The following AKAP10 variants were observed in gnomAD, a reference collection of about 807,000 sequenced individuals.
AKAP10 encodes the protein A-kinase anchoring protein 10.
In AKAP10, 24 loss-of-function variants were observed where a neutral mutation model predicts 80.8. That is an observed-to-expected ratio of 0.30 (90% CI 0.22 to 0.42). The LOEUF (loss-of-function observed/expected upper bound fraction) is 0.42. Among genes scored for constraint, AKAP10 ranks in the 10% least tolerant of loss-of-function variants. The pLI, the probability that AKAP10 is intolerant of heterozygous loss-of-function variation, is 1.00. For missense variants in AKAP10, 661 were observed against 794.9 expected (o/e 0.83, Z 2.03); for synonymous variants, 291 against 277.7 (o/e 1.05, Z -0.48).
intron 14 of AKAP10, among the ~76,000 whole-genome samples, chr17:19,908,113 C>T (rs1359546384): frequency 1.3e-5 from 2 of 152,118 alleles, no homozygotes; most frequent in Non-Finnish European, 2.9e-5. Flanking sequence ...CATCTACCTG[C>T]CTCGGCCTCC....
intron 1 of AKAP10, among the ~76,000 whole-genome samples, chr17:19,968,864 T>C (rs2043458017): frequency 6.6e-6 from 1 of 152,210 alleles, no homozygotes; most frequent in South Asian, 2.1e-4. Context: ...GTAAGGGGCT[T>C]AGAAGAGTAA....
chr17:19,933,689 A>C (rs1253445226), intron 9 of AKAP10, among the ~76,000 whole-genome samples: 2 of 152,168 alleles, frequency 1.3e-5, no homozygotes, highest in Admixed American at 6.5e-5. Context: ...TATTCTGTTT[A>C]CTACTAGCTA....
chr17:19,969,305 A>G (rs1399734067), intron 1 of AKAP10, among the ~76,000 whole-genome samples: 1 of 152,172 alleles, frequency 6.6e-6, no homozygotes, highest in East Asian at 1.9e-4. Flanking sequence ...AGATCGCGAC[A>G]CTGTACTCCA....
chr17:19,928,567 T>C lies in AKAP10; in HGVS notation c.1641+3238A>G, dbSNP rs143451563. ...TTGACTCAGCAATTCTACTCCTATGTATATACAACAAAAGAAATGAAAACC... is the reference window on the plus strand; with the variant it reads ...TTGACTCAGCAATTCTACTCCTATGCATATACAACAAAAGAAATGAAAACC... On this transcript the variant is annotated intron_variant, in intron 10 of 14. Transcript: ENST00000225737. 4.4e-3 allele frequency among the ~76,000 whole-genome samples: 673 copies of C among 152,210 alleles called. 1 individual carries two copies. The highest frequency in any genetic ancestry group is 0.02 in the Middle Eastern group (6 of 294).
intron 12 of AKAP10, among the ~76,000 whole-genome samples, chr17:19,912,329 G>A: frequency 6.6e-6 from 1 of 152,166 alleles, no homozygotes. Context: ...CTGAGATCAG[G>A]AGTTCGAGAC....
At chr17:19,948,675 AGAAC>A (rs1472607062) in intron 4 of AKAP10, among the ~76,000 whole-genome samples, 2 of 152,174 alleles carry the variant, frequency 1.3e-5, no homozygotes, top group Non-Finnish European at 2.9e-5. Context: ...CTTAGAAGGC[AGAAC>A]GTGTCAGGGA....
intron 11 of AKAP10, among the ~76,000 whole-genome samples, chr17:19,922,697 G>C (rs1309928711): frequency 1.3e-5 from 2 of 152,148 alleles, no homozygotes; most frequent in Admixed American, 6.5e-5. Flanking sequence ...TCAGGAGATT[G>C]AGACCATCCT....
chr17:19,907,482 G>A (rs1437512211), intron 14 of AKAP10, among the ~76,000 whole-genome samples: 1 of 149,096 alleles, frequency 6.7e-6, no homozygotes, highest in Non-Finnish European at 1.5e-5. Context: ...CACAATCTCG[G>A]CTTACTGCAA....
chr17:19,939,904 A>C (rs1351579412), intron 7 of AKAP10, 55 bp from the exon 8 acceptor site: 2 of 1,543,932 alleles, frequency 1.3e-6, no homozygotes, highest in African/African-American at 2.8e-5. Context: ...TTTCTCTCAC[A>C]ATCTCTAATC....
At chr17:19,944,346 T>G (rs2043080749) in intron 5 of AKAP10, among the ~76,000 whole-genome samples, 2 of 152,274 alleles carry the variant, frequency 1.3e-5, no homozygotes, top group South Asian at 4.1e-4. Flanking sequence ...TTTATATATA[T>G]ACCTGTTTGT....
intron 11 of AKAP10, 122 bp from the exon 12 acceptor site, chr17:19,920,240 C>T: frequency 1.5e-6 from 1 of 659,364 alleles, no homozygotes; most frequent in Non-Finnish European, 2.6e-6. Context: ...TATAGCTATC[C>T]TAAGTAATTT....
chr17:19,949,741 C>T (rs2043177164), intron 4 of AKAP10, among the ~76,000 whole-genome samples: 1 of 145,232 alleles, frequency 6.9e-6, no homozygotes, highest in Non-Finnish European at 1.5e-5. Context: ...GCACTCCAGC[C>T]TGGTAACAGA....
At chr17:19,968,605 G>A in intron 1 of AKAP10, 144 bp from the exon 2 acceptor site, 4 of 624,806 alleles carry the variant, frequency 6.4e-6, no homozygotes, top group South Asian at 4.5e-5. Context: ...GCACAGGAGG[G>A]TAGTTGTCAG....
At chr17:19,949,318 T>C (rs765925661) in intron 4 of AKAP10, among the ~76,000 whole-genome samples, 3 of 152,026 alleles carry the variant, frequency 2.0e-5, no homozygotes, top group East Asian at 1.9e-4. Flanking sequence ...ACCAGTGAAT[T>C]TGAAGACAGA....
chr17:19,975,568 C>T (rs1340606682), intron 1 of AKAP10, among the ~76,000 whole-genome samples: 3 of 152,208 alleles, frequency 2.0e-5, no homozygotes, highest in Admixed American at 6.5e-5. Flanking sequence ...CATTTCTCCT[C>T]TTAATCTTTC....
intron 10 of AKAP10, among the ~76,000 whole-genome samples, chr17:19,929,999 CA>C (rs11365343): frequency 0.38 from 31,284 of 81,904 alleles, 3,312 homozygotes; most frequent in African/African-American, 0.45. Context: ...CAACAAAAAC[CA>C]AAAAAAAAAA....
intron 11 of AKAP10, among the ~76,000 whole-genome samples, chr17:19,923,414 C>G (rs2042839971): frequency 6.6e-6 from 1 of 151,926 alleles, no homozygotes. Flanking sequence ...CTAAAAATCA[C>G]TACACAAAGC....
intron 8 of AKAP10, among the ~76,000 whole-genome samples, chr17:19,939,034 G>T (rs553874760): frequency 6.6e-6 from 1 of 152,064 alleles, no homozygotes; most frequent in Admixed American, 6.5e-5. Context: ...GCCCGACCAC[G>T]AATTACTTTT....
At chr17:19,965,275 T>C (rs938159280) in intron 2 of AKAP10, among the ~76,000 whole-genome samples, 7 of 152,234 alleles carry the variant, frequency 4.6e-5, no homozygotes, top group Non-Finnish European at 7.3e-5. Flanking sequence ...TTTGTTGACT[T>C]TTCCTTCAAG....
Sources: allele counts gnomAD v4.1 joint callset (sites outside exome capture counted in the v4.1 genomes callset), GRCh38; gene constraint gnomAD v4.1.1; transcripts MANE v1.5; gene names NCBI Gene and HGNC (gene_info 2026-07-23, HGNC 2026-07-21).